FANCL: variants seen among roughly 807,000 people sequenced by gnomAD.
FANCL encodes the protein FA complementation group L.
FANCL carries 69 observed loss-of-function variants against 59.4 expected under a neutral mutation model. The ratio of observed to expected loss-of-function variants is 1.16; its 90% CI spans 0.96 to 1.42. The LOEUF is 1.42. Among genes scored for constraint, FANCL ranks in the 40% most tolerant of loss-of-function variants. The probability of loss-of-function intolerance (pLI) is 0.00; values close to 1 mark genes in which losing one functional copy is unlikely to be tolerated. For missense variants in FANCL, 519 were observed against 447.2 expected (o/e 1.16, Z -1.45); for synonymous variants, 180 against 147.1 (o/e 1.22, Z -1.62).
In FANCL at chr2:58,241,297, G is replaced by A. The variant is rs532531782; in HGVS notation, c.17C>T (p.Ala6Val). The change falls in exon 1 of 14, where the codon GCG becomes GTG. Residue 6 changes from alanine (A) to valine (V), a missense_variant. By Grantham distance (64) the Ala-to-Val change is moderately conservative. Transcript: ENST00000233741. ...CAGGGGGCACTGGCGCAACAGGCTC[G>A]CTTCCGTCACCGCCATGGCTCGAAG... MAVTE[A>V]SLLRQCPLLL... is the part of the protein sequence containing the mutation. 6 of 1,614,194 alleles carry A rather than the reference G, an allele frequency of 3.7e-6. No individual in the cohort carries two copies. In the East Asian group the frequency reaches 8.9e-5, roughly 24 times the overall value.
At chr2:58,176,111 T>C (rs1687269389) in intron 7 of FANCL, among the ~76,000 whole-genome samples, 1 of 150,918 alleles carries the variant, frequency 6.6e-6, no homozygotes, top group South Asian at 2.1e-4. Flanking sequence ...TACAAACCAC[T>C]GCTCAAGGAA....
At chr2:58,203,608 A>T (rs1313972573) in intron 6 of FANCL, among the ~76,000 whole-genome samples, 1 of 152,032 alleles carries the variant, frequency 6.6e-6, no homozygotes, top group Non-Finnish European at 1.5e-5. Flanking sequence ...CCTATAAGGG[A>T]TCTATAAATA....
At chr2:58,198,561 A>G in intron 7 of FANCL, 33 bp downstream of exon 7, 1 of 1,586,422 alleles carries the variant, frequency 6.3e-7, no homozygotes. Flanking sequence ...ATTACTTAAA[A>G]CAAATTTAAG....
intron 7 of FANCL, among the ~76,000 whole-genome samples, chr2:58,188,731 C>A (rs1558771518): frequency 6.7e-6 from 1 of 150,154 alleles, no homozygotes; most frequent in African/African-American, 2.5e-5. Context: ...TGAGACACTG[C>A]GACCAGCCAT....
chr2:58,166,872 C>T (rs1686002129), intron 7 of FANCL, among the ~76,000 whole-genome samples: 1 of 152,198 alleles, frequency 6.6e-6, no homozygotes, highest in Non-Finnish European at 1.5e-5. Flanking sequence ...AATTCATGCT[C>T]AGTTCCACTG....
intron 7 of FANCL, among the ~76,000 whole-genome samples, chr2:58,195,910 GA>G (rs1166068971): frequency 1.3e-5 from 2 of 152,004 alleles, no homozygotes; most frequent in Non-Finnish European, 2.9e-5. Context: ...TCACTTCTAG[GA>G]AAAACCCATA....
intron 7 of FANCL, among the ~76,000 whole-genome samples, chr2:58,179,278 C>G (rs938019722): frequency 6.6e-6 from 1 of 152,120 alleles, no homozygotes; most frequent in Non-Finnish European, 1.5e-5. Flanking sequence ...ATAGCCAAGA[C>G]AATCCTAAGC....
At chr2:58,172,583 A>C (rs1365006533) in intron 7 of FANCL, among the ~76,000 whole-genome samples, 1 of 152,236 alleles carries the variant, frequency 6.6e-6, no homozygotes, top group East Asian at 1.9e-4. Flanking sequence ...AAGGACTCTT[A>C]GCTGAGGGTC....
At chr2:58,226,197 T>C (rs1465489167) in intron 4 of FANCL, among the ~76,000 whole-genome samples, 1 of 152,172 alleles carries the variant, frequency 6.6e-6, no homozygotes, top group African/African-American at 2.4e-5. Context: ...CCTCTTCTTT[T>C]GTTTATGTTG....
chr2:58,174,034 CAAAG>C (rs1686987029), intron 7 of FANCL, among the ~76,000 whole-genome samples: 1 of 151,888 alleles, frequency 6.6e-6, no homozygotes, highest in Non-Finnish European at 1.5e-5. Flanking sequence ...TCAAAAGAGA[CAAAG>C]AAGGCCATTA....
chr2:58,227,418 A>C (rs1693125758), intron 3 of FANCL, among the ~76,000 whole-genome samples: 2 of 152,174 alleles, frequency 1.3e-5, no homozygotes, highest in Non-Finnish European at 2.9e-5. Context: ...GGTTTTATTA[A>C]GTGCAAGTAG....
chr2:58,182,396 A>G (rs1688017068), intron 7 of FANCL, among the ~76,000 whole-genome samples: 1 of 151,838 alleles, frequency 6.6e-6, no homozygotes, highest in African/African-American at 2.4e-5. Context: ...TTTCAGTCCA[A>G]ATATTACCAG....
chr2:58,221,158 A>T (rs1331698564), intron 5 of FANCL, among the ~76,000 whole-genome samples: 1 of 152,074 alleles, frequency 6.6e-6, no homozygotes, highest in South Asian at 2.1e-4. Flanking sequence ...GCTTGCAATC[A>T]GCCTAGGCAA....
intron 7 of FANCL, among the ~76,000 whole-genome samples, chr2:58,188,952 T>C (rs542765584): frequency 2.0e-5 from 3 of 152,266 alleles, no homozygotes; most frequent in African/African-American, 7.2e-5. Flanking sequence ...TATTACATGC[T>C]ACAACATGGT....
chr2:58,236,741 A>G (rs952478370), intron 1 of FANCL, among the ~76,000 whole-genome samples: 3 of 152,038 alleles, frequency 2.0e-5, no homozygotes, highest in Non-Finnish European at 4.4e-5. Context: ...ATATTAAAAC[A>G]CAAATAAGTT....
chr2:58,166,390 C>G (rs1303752448), intron 7 of FANCL, among the ~76,000 whole-genome samples: 1 of 152,120 alleles, frequency 6.6e-6, no homozygotes, highest in Non-Finnish European at 1.5e-5. Context: ...AGGTTTTACA[C>G]ATTTTTAAAG....
At chr2:58,238,095 C>G (rs1159257406) in intron 1 of FANCL, among the ~76,000 whole-genome samples, 1 of 152,168 alleles carries the variant, frequency 6.6e-6, no homozygotes, top group Non-Finnish European at 1.5e-5. Context: ...CAACTGGCAG[C>G]CCAGGACAGC....
intron 7 of FANCL, among the ~76,000 whole-genome samples, chr2:58,178,716 T>C (rs1010066949): frequency 6.6e-6 from 1 of 152,158 alleles, no homozygotes; most frequent in African/African-American, 2.4e-5. Flanking sequence ...AACACTGTAT[T>C]GGAAGTTCTA....
At chr2:58,217,070 G>A (rs1691792690) in intron 5 of FANCL, among the ~76,000 whole-genome samples, 1 of 139,240 alleles carries the variant, frequency 7.2e-6, no homozygotes, top group East Asian at 2.1e-4. Context: ...CAACAGAAAG[G>A]GATCCAGAAT....
Sources: allele counts gnomAD v4.1 joint callset (sites outside exome capture counted in the v4.1 genomes callset), GRCh38; gene constraint gnomAD v4.1.1; transcripts MANE v1.5; gene names NCBI Gene and HGNC (gene_info 2026-07-23, HGNC 2026-07-21).